The following LRRC4C variants were observed in gnomAD, a reference collection of about 807,000 sequenced individuals.
The protein encoded by LRRC4C is leucine-rich repeat-containing protein 4C.
A neutral mutation model predicts 33.6 loss-of-function variants in LRRC4C; 5 were observed. That is an observed-to-expected ratio of 0.15 (90% CI 0.08 to 0.31). The LOEUF is 0.31. LRRC4C is among the 10% of genes least tolerant of loss of function. The probability of loss-of-function intolerance (pLI) is 1.00; values close to 1 mark genes in which losing one functional copy is unlikely to be tolerated. For missense variants in LRRC4C, 560 were observed against 796.7 expected, an observed-to-expected ratio of 0.70 and a Z score of 3.58; for synonymous variants, 329 against 302.0, an observed-to-expected ratio of 1.09 and a Z score of -0.93.
intron 1 of LRRC4C, among the ~76,000 whole-genome samples, chr11:41,023,703 T>C (rs72888446): frequency 6.6e-6 from 1 of 151,894 alleles, no homozygotes; most frequent in Non-Finnish European, 1.5e-5. Context: ...TAAAAAAAGA[T>C]AGTGAAGTTT....
At chr11:41,237,615 C>T (rs981083807) in intron 1 of LRRC4C, among the ~76,000 whole-genome samples, 5 of 152,108 alleles carry the variant, frequency 3.3e-5, no homozygotes, top group African/African-American at 1.2e-4. Context: ...ACATGTGGCT[C>T]TAAGACAGAG....
At chr11:40,247,006 T>C (rs576875589) in intron 4 of LRRC4C, among the ~76,000 whole-genome samples, 2 of 152,314 alleles carry the variant, frequency 1.3e-5, no homozygotes, top group South Asian at 4.1e-4. Context: ...GTGGAGTTTA[T>C]GGTTGCCTTT....
chr11:40,630,162 C>A (rs981188445), intron 3 of LRRC4C, among the ~76,000 whole-genome samples: 1 of 151,956 alleles, frequency 6.6e-6, no homozygotes, highest in South Asian at 2.1e-4. Context: ...TATACATGAA[C>A]AAAGCCAAAA....
At chr11:40,878,613 T>C (rs536338924) in intron 2 of LRRC4C, among the ~76,000 whole-genome samples, 50 of 152,270 alleles carry the variant, frequency 3.3e-4, no homozygotes, top group African/African-American at 1.2e-3. Context: ...CAGATGAGGC[T>C]TTATTGTTCA....
intron 2 of LRRC4C, among the ~76,000 whole-genome samples, chr11:40,715,896 G>A (rs996553276): frequency 6.6e-6 from 1 of 151,990 alleles, no homozygotes; most frequent in Non-Finnish European, 1.5e-5. Flanking sequence ...ATGGTGGTGG[G>A]TACCTGTAGT....
chr11:41,353,710 G>T (rs999939981), intron 1 of LRRC4C, among the ~76,000 whole-genome samples: 2 of 152,080 alleles, frequency 1.3e-5, no homozygotes, highest in African/African-American at 4.8e-5. Flanking sequence ...TGCACAGTTG[G>T]TTCAACATAT....
At chr11:41,134,100 C>T (rs1943146849) in intron 1 of LRRC4C, among the ~76,000 whole-genome samples, 1 of 151,968 alleles carries the variant, frequency 6.6e-6, no homozygotes. Context: ...TATTTATTTA[C>T]TTATTTACTT....
At position 41,279,428 on chromosome 11, in the gene LRRC4C, A is replaced by ACACACCC. The variant is rs58139193; in HGVS notation, c.-496+180002_-496+180003insGGGTGTG. Among the ~76,000 whole-genome samples the ACACACCC allele has an allele frequency of 5.0e-4, 71 of 140,884 alleles. 1 individual carries two copies. Among genetic ancestry groups the ACACACCC allele is most frequent in the Admixed American group, 7.2e-4 (10 of 13,950 alleles). The allele number at this position is 140,884 out of a possible 152,430, so 92.4% of individuals were successfully genotyped here. A position where few individuals can be genotyped will look rare whatever the true frequency, so the allele number is the denominator to read the frequency against. ...CACACACACACACACACACACACAC[A>ACACACCC]CCGTGGCAATCACTGCCTGCAATGG... is the stretch of plus-strand genomic sequence containing the variant. On this transcript the variant is annotated intron_variant, in intron 1 of 6. Coordinates refer to ENST00000528697, the MANE Select transcript of LRRC4C (RefSeq NM_001258419.2).
At chr11:40,822,963 A>G (rs1952002870) in intron 2 of LRRC4C, among the ~76,000 whole-genome samples, 1 of 151,720 alleles carries the variant, frequency 6.6e-6, no homozygotes, top group African/African-American at 2.4e-5. Flanking sequence ...TTGGTATCTT[A>G]TTGAAAATCA....
At chr11:40,587,019 T>C (rs1167158502) in intron 3 of LRRC4C, among the ~76,000 whole-genome samples, 1 of 151,956 alleles carries the variant, frequency 6.6e-6, no homozygotes. Flanking sequence ...AAGAAATTCA[T>C]TGGTAGCTTG....
At chr11:41,395,733 T>G (rs1455185702) in intron 1 of LRRC4C, among the ~76,000 whole-genome samples, 2 of 152,130 alleles carry the variant, frequency 1.3e-5, no homozygotes, top group Middle Eastern at 3.4e-3. Context: ...GGTCTCTTGA[T>G]CCAACAAATC....
At chr11:41,102,334 TC>T (rs1337988618) in intron 1 of LRRC4C, among the ~76,000 whole-genome samples, 3 of 152,016 alleles carry the variant, frequency 2.0e-5, no homozygotes, top group African/African-American at 7.2e-5. Flanking sequence ...TCAATTACAC[TC>T]TCTAGTACTC....
chr11:41,183,371 A>G (rs1013271356), intron 1 of LRRC4C, among the ~76,000 whole-genome samples: 1 of 151,324 alleles, frequency 6.6e-6, no homozygotes, highest in African/African-American at 2.4e-5. Flanking sequence ...TCCTACATAC[A>G]ATGGAGGTGG....
At chr11:41,374,547 G>A (rs1354234056) in intron 1 of LRRC4C, among the ~76,000 whole-genome samples, 1 of 152,030 alleles carries the variant, frequency 6.6e-6, no homozygotes, top group South Asian at 2.1e-4. Context: ...AAATGCCAGT[G>A]TTATTAATAA....
At chr11:41,221,023 G>A (rs1424181907) in intron 1 of LRRC4C, among the ~76,000 whole-genome samples, 1 of 152,166 alleles carries the variant, frequency 6.6e-6, no homozygotes, top group African/African-American at 2.4e-5. Context: ...GGGTACAAAT[G>A]TAAGTTTGTT....
intron 1 of LRRC4C, among the ~76,000 whole-genome samples, chr11:41,369,244 T>C (rs1170288585): frequency 6.6e-6 from 1 of 152,178 alleles, no homozygotes; most frequent in Non-Finnish European, 1.5e-5. Context: ...TTACATAGGA[T>C]GTTACTGATG....
chr11:40,205,511 C>T (rs1222285860), intron 5 of LRRC4C, among the ~76,000 whole-genome samples: 2 of 151,920 alleles, frequency 1.3e-5, no homozygotes, highest in African/African-American at 2.4e-5. Context: ...CAGTCATGAC[C>T]TTGAAAACTC....
intron 3 of LRRC4C, among the ~76,000 whole-genome samples, chr11:40,507,090 T>C (rs549268284): frequency 2.0e-5 from 3 of 152,180 alleles, no homozygotes; most frequent in South Asian, 4.1e-4. Flanking sequence ...TTAAAAATAT[T>C]ACTAATATTG....
chr11:40,932,168 G>C (rs1159152521), intron 2 of LRRC4C, among the ~76,000 whole-genome samples: 1 of 152,048 alleles, frequency 6.6e-6, no homozygotes, highest in Non-Finnish European at 1.5e-5. Flanking sequence ...TGGTTATCTT[G>C]GTGAGAGTAA....
Sources: allele counts gnomAD v4.1 joint callset (sites outside exome capture counted in the v4.1 genomes callset), GRCh38; gene constraint gnomAD v4.1.1; transcripts MANE v1.5; gene names NCBI Gene and HGNC (gene_info 2026-07-23, HGNC 2026-07-21).